Variants in LMO7 observed in about 807,000 individuals in gnomAD.
LMO7 encodes the protein LIM domain 7, also known as LIM domain only protein 7.
Under a neutral mutation model 206.5 loss-of-function variants are expected in LMO7, and 120 were observed. That is an observed-to-expected ratio of 0.58 (90% CI 0.50 to 0.68). LMO7 has a LOEUF of 0.68. Among genes scored for constraint, LMO7 ranks in the 30% least tolerant of loss-of-function variants. LMO7 has a pLI of 0.00. For missense variants in LMO7, 1,959 were observed against 1,957.9 expected (o/e 1.00, Z -0.01); for synonymous variants, 706 against 681.5 (o/e 1.04, Z -0.56).
intron 1 of LMO7, among the ~76,000 whole-genome samples, chr13:75,666,433 C>T (rs951086683): frequency 1.3e-5 from 2 of 152,196 alleles, no homozygotes; most frequent in Non-Finnish European, 2.9e-5. Context: ...TAGTAGAAAT[C>T]TTCCTAAAGT....
chr13:75,853,999 G>A (rs927216307), intron 28 of LMO7, among the ~76,000 whole-genome samples: 1 of 152,180 alleles, frequency 6.6e-6, no homozygotes, highest in African/African-American at 2.4e-5. Context: ...AGCTGGATTC[G>A]GTGGGGAATA....
chr13:75,788,217 A>T (rs976928773), intron 4 of LMO7, among the ~76,000 whole-genome samples: 1 of 152,048 alleles, frequency 6.6e-6, no homozygotes, highest in Non-Finnish European at 1.5e-5. Context: ...TTGCAGATAG[A>T]CTGGCTTGTT....
Position 75,835,155 on chromosome 13 carries a change from G to T in LMO7, c.3227-78G>T, listed in dbSNP as rs573556174. On this transcript the variant is annotated intron_variant, in intron 17 of 30. Coordinates refer to ENST00000377534, the MANE Select transcript of LMO7 (RefSeq NM_001306080.2). ...TTGATCTTCATGTGCCAATCAGACTGGGGCAAAGACCAACCTTCCCTGCCA... is the reference window on the plus strand; with the variant it reads ...TTGATCTTCATGTGCCAATCAGACTTGGGCAAAGACCAACCTTCCCTGCCA... 1.9e-6 allele frequency: 3 copies of T among 1,577,696 alleles called. No homozygotes were observed. The Admixed American group carries it at 5.6e-5, about 29-fold the overall frequency.
Position 75,835,244 on chromosome 13 carries a change from A to G in LMO7, c.3238A>G (p.Thr1080Ala), listed in dbSNP as rs2059026309. The G allele has an allele frequency of 6.2e-7, 1 of 1,612,326 alleles. No homozygotes were observed. The highest frequency in any genetic ancestry group is 1.7e-5 in the Admixed American group (1 of 59,802). The change falls in exon 18 of 31, where the codon ACA becomes GCA. Residue 1080 changes from threonine to alanine, a missense_variant. Transcript: ENST00000377534. Reference sequence around the variant, plus strand: ...TACCAAAATTATAGGTTCACCTGAAACAAAGTGGATTGATGCAACTTCTGG... The same window carrying G: ...TACCAAAATTATAGGTTCACCTGAAGCAAAGTGGATTGATGCAACTTCTGG... Reference protein sequence around the residue: ...RRYGKAGSPETKWIDATSGIY... With the variant: ...RRYGKAGSPEAKWIDATSGIY...
At chr13:75,626,326 G>A (rs147681325) in intron 2 of LMO7, among the ~76,000 whole-genome samples, 39 of 151,812 alleles carry the variant, frequency 2.6e-4, no homozygotes, top group African/African-American at 9.2e-4. Flanking sequence ...GAGGTGAAAG[G>A]CACTCCTTAC....
At chr13:75,817,014 T>C (rs375093226) in intron 11 of LMO7, 147 bp from the exon 12 acceptor site, 1 of 537,376 alleles carries the variant, frequency 1.9e-6, no homozygotes, top group Admixed American at 3.4e-5. Context: ...ACACCATTTA[T>C]CTCTGTAGTG....
chr13:75,723,779 G>A (rs1386910451), intron 2 of LMO7, among the ~76,000 whole-genome samples: 1 of 152,174 alleles, frequency 6.6e-6, no homozygotes, highest in Non-Finnish European at 1.5e-5. Context: ...GAAAAGGAAG[G>A]AGGCAACTTG....
At chr13:75,817,136 G>A (rs1463233060) in intron 11 of LMO7, 25 bp from the exon 12 acceptor site, 1 of 1,546,326 alleles carries the variant, frequency 6.5e-7, no homozygotes, top group African/African-American at 1.4e-5. Flanking sequence ...AACTTCCGTA[G>A]TAACCATGAG....
chr13:75,831,994 G>C (rs1377831603), intron 15 of LMO7, among the ~76,000 whole-genome samples: 1 of 152,112 alleles, frequency 6.6e-6, no homozygotes, highest in Non-Finnish European at 1.5e-5. Flanking sequence ...TAGTTCCTGG[G>C]TTAGGTTTAA....
rs565373967 is a variant in LMO7 at position 75,760,171 on chromosome 13, C to T, written c.211-761C>T. Among the ~76,000 whole-genome samples, 861 of 151,974 alleles carry T rather than the reference C, an allele frequency of 5.7e-3. 7 individuals are homozygous for T. The highest frequency in any genetic ancestry group is 0.01 in the Non-Finnish European group (708 of 67,990). ...TAGCATATACTGTAATCTGTGTTTG[C>T]ACAGCAGTTTACATTAACGAAGAGC... On this transcript the variant is annotated intron_variant, in intron 3 of 30. Coordinates refer to ENST00000377534, the MANE Select transcript of LMO7 (RefSeq NM_001306080.2).
chr13:75,771,063 A>C (rs1377730386), intron 4 of LMO7, among the ~76,000 whole-genome samples: 2 of 152,088 alleles, frequency 1.3e-5, no homozygotes, highest in African/African-American at 4.8e-5. Flanking sequence ...CTATACCCAG[A>C]ATGGATTTGT....
chr13:75,743,569 G>A (rs890534261), intron 3 of LMO7, among the ~76,000 whole-genome samples: 3 of 152,160 alleles, frequency 2.0e-5, no homozygotes, highest in African/African-American at 7.2e-5. Flanking sequence ...TGGAGCTGGA[G>A]GCCATTATCC....
chr13:75,725,485 C>T (rs1321290079), intron 2 of LMO7, among the ~76,000 whole-genome samples: 2 of 152,078 alleles, frequency 1.3e-5, no homozygotes, highest in African/African-American at 4.8e-5. Flanking sequence ...ACTAGTTCTT[C>T]TATGCATTGC....
Position 75,636,574 on chromosome 13 carries a change from C to G in LMO7, c.-84C>G. The G allele has an allele frequency of 6.5e-7, 1 of 1,537,570 alleles. No homozygotes were observed. The highest frequency in any genetic ancestry group is 8.7e-7 in the Non-Finnish European group (1 of 1,146,024). The stretch of plus-strand genomic sequence containing the variant: ...GAGTTGTGGGAGGCCCGCGTGCCCT[C>G]CCCGCCCGTGGGGCCCAGACGCGCG... On this transcript the variant is annotated 5_prime_UTR_variant, in exon 1 of 31. Transcript: ENST00000377534.
At chr13:75,787,973 T>C (rs1324224805) in intron 4 of LMO7, among the ~76,000 whole-genome samples, 2 of 152,240 alleles carry the variant, frequency 1.3e-5, no homozygotes, top group East Asian at 3.8e-4. Context: ...CTTTTCTCTA[T>C]TTTAAATAGT....
Position 75,786,150 on chromosome 13 carries a change from A to G in LMO7, c.318-9251A>G, listed in dbSNP as rs530324760. On this transcript the variant is annotated intron_variant, in intron 4 of 30. Coordinates refer to ENST00000377534, the MANE Select transcript of LMO7 (RefSeq NM_001306080.2). ...GTACTGTTGGCTCTGCCTAATCTCAACATCATTACATTGTCATATGGGTTA... is the reference window on the plus strand; with the variant it reads ...GTACTGTTGGCTCTGCCTAATCTCAGCATCATTACATTGTCATATGGGTTA... 4.6e-5 allele frequency among the ~76,000 whole-genome samples: 7 copies of G among 152,156 alleles called. No homozygotes were observed. In the South Asian group the frequency reaches 1.5e-3, roughly 32 times the overall value.
intron 2 of LMO7, among the ~76,000 whole-genome samples, chr13:75,713,757 G>A (rs1333443020): frequency 1.3e-5 from 2 of 152,150 alleles, no homozygotes; most frequent in Non-Finnish European, 2.9e-5. Flanking sequence ...AGACACCATT[G>A]AGAACCACAC....
At chr13:75,675,612 T>C (rs1177877423) in intron 1 of LMO7, among the ~76,000 whole-genome samples, 1 of 152,200 alleles carries the variant, frequency 6.6e-6, no homozygotes, top group Non-Finnish European at 1.5e-5. Context: ...CTCTCTCCTG[T>C]GGTATTGGTG....
At chr13:75,696,621 A>G (rs2041922285) in intron 1 of LMO7, among the ~76,000 whole-genome samples, 1 of 152,132 alleles carries the variant, frequency 6.6e-6, no homozygotes, top group African/African-American at 2.4e-5. Flanking sequence ...CCAGGTGTCA[A>G]TCCAGGCCAT....
Sources: gnomAD v4.1 joint callset for allele counts (sites outside exome capture counted in the v4.1 genomes callset) on GRCh38, gnomAD v4.1.1 for gene constraint, MANE v1.5 for transcripts, NCBI Gene and HGNC (gene_info 2026-07-23, HGNC 2026-07-21) for gene names.